The following FAM83A variants were observed in gnomAD, a reference collection of about 807,000 sequenced individuals.
FAM83A encodes protein FAM83A.
A neutral mutation model predicts 24.4 loss-of-function variants in FAM83A; 21 were observed. The observed-to-expected ratio is 0.86, with a 90% CI of 0.61 to 1.24. The LOEUF (loss-of-function observed/expected upper bound fraction) is 1.24. FAM83A is among the 50% of genes most tolerant of loss of function. The pLI, the probability that FAM83A is intolerant of heterozygous loss-of-function variation, is 0.00. For missense variants in FAM83A, 617 were observed against 579.8 expected (o/e 1.06, Z -0.66); for synonymous variants, 270 against 252.4 (o/e 1.07, Z -0.66).
Position 123,209,483 on chromosome 8 carries a change from T to C in FAM83A, c.*1795T>C, listed in dbSNP as rs80309164. On this transcript the variant is annotated 3_prime_UTR_variant, in exon 4 of 4. Coordinates refer to ENST00000690554, the Ensembl canonical transcript of FAM83A. This position sits in a 1 kb window ranked among gnomAD's most constrained non-coding sequence, Gnocchi z 4.7. ...AAAAAACAAACAACACTTTGGTTCC[T>C]GATGGCTTTCTGAACCCAGCCCTGA... The C allele has an allele frequency of 0.017, 28,077 of 1,614,222 alleles. 284 individuals carry two copies. Among genetic ancestry groups the C allele is most frequent in the Non-Finnish European group, 0.019 (22,966 of 1,180,032 alleles).
Position 123,209,233 on chromosome 8 carries a change from G to C in FAM83A, c.*1545G>C. ...CGCTGTGGAGGGACGAGAGCACAGAGCTCTTCCTCCTGGTGGCCTCTGACC... is the reference window on the plus strand; with the variant it reads ...CGCTGTGGAGGGACGAGAGCACAGACCTCTTCCTCCTGGTGGCCTCTGACC... On this transcript the variant is annotated 3_prime_UTR_variant, in exon 4 of 4. Coordinates refer to ENST00000690554, the Ensembl canonical transcript of FAM83A. The surrounding 1 kb of genome is among the most constrained non-coding windows in gnomAD (Gnocchi z 4.7). 8.0e-7 allele frequency: 1 copy of C among 1,242,908 alleles called. No individual in the cohort carries two copies. The allele number at this position is 1,242,908 out of a possible 1,614,324, so 77.0% of individuals were successfully genotyped here. A position where few individuals can be genotyped will look rare whatever the true frequency, so the allele number is the denominator to read the frequency against.
At chr8:123,180,344 G>A (rs1367566395), upstream of FAM83A, 1 of 152,128 alleles carries the variant, frequency 6.6e-6, no homozygotes, top group African/African-American at 2.4e-5. Flanking sequence ...TCTTCCAGAG[G>A]AAGATAACAA....
At chr8:123,208,612 A>G in exon 4 of FAM83A, 5 of 985,552 alleles carry the variant, frequency 5.1e-6, no homozygotes, top group South Asian at 4.7e-5. Context: ...TTTCTTCTCA[A>G]TTCACAGTGC....
At chr8:123,190,622 G>A (rs1202589121) in intron 1 of FAM83A, among the ~76,000 whole-genome samples, 2 of 152,040 alleles carry the variant, frequency 1.3e-5, no homozygotes, top group African/African-American at 4.8e-5. Context: ...TCACAATTAA[G>A]GTATTAGAAA....
Position 123,209,418 on chromosome 8 carries a change from C to G in FAM83A, c.*1730C>G. On this transcript the variant is annotated 3_prime_UTR_variant, in exon 4 of 4. Coordinates refer to ENST00000690554, the Ensembl canonical transcript of FAM83A. The surrounding 1 kb of genome is among the most constrained non-coding windows in gnomAD (Gnocchi z 4.7). ...TGTATTCCTGTCCTTCACTTTTTTCCTCCTTAGTTCCTGAAAGTAAACAAA... is the reference window on the plus strand; with the variant it reads ...TGTATTCCTGTCCTTCACTTTTTTCGTCCTTAGTTCCTGAAAGTAAACAAA... 1 of 1,609,524 alleles carries G rather than the reference C, an allele frequency of 6.2e-7. No individual in the cohort carries two copies. Among genetic ancestry groups the G allele is most frequent in the South Asian group, 1.1e-5 (1 of 90,420 alleles).
chr8:123,200,223 A>T (rs1320605438), intron 3 of FAM83A, among the ~76,000 whole-genome samples: 1 of 152,176 alleles, frequency 6.6e-6, no homozygotes, highest in Non-Finnish European at 1.5e-5. Flanking sequence ...CCAACCCATT[A>T]CAGTAGGGAG....
Position 123,209,928 on chromosome 8 carries a change from G to GTCCA in FAM83A, c.*2241_*2244dup. The GTCCA allele has an allele frequency of 4.7e-6, 1 of 213,296 alleles. No individual in the cohort carries two copies. The highest frequency in any genetic ancestry group is 9.6e-6 in the Non-Finnish European group (1 of 104,482). The allele number at this position is 213,296 out of a possible 1,614,324, so 13.2% of individuals were successfully genotyped here. A position where few individuals can be genotyped will look rare whatever the true frequency, so the allele number is the denominator to read the frequency against. ...CTGGGCAGAAGCTTTGAGAGCCTGG[G>GTCCA]TCCAGGTTGCCACATAGAAGCAGCT... is the stretch of plus-strand genomic sequence containing the variant. On this transcript the variant is annotated 3_prime_UTR_variant, in exon 4 of 4. Transcript: ENST00000690554. The surrounding 1 kb of genome is among the most constrained non-coding windows in gnomAD (Gnocchi z 4.7).
chr8:123,201,310 G>T (rs1824351284), intron 3 of FAM83A: 1 of 152,248 alleles, frequency 6.6e-6, no homozygotes, highest in African/African-American at 2.4e-5. Context: ...CTTGACTAGG[G>T]TCACCAGCTC....
At chr8:123,195,349 G>A (rs1328389561) in intron 3 of FAM83A, among the ~76,000 whole-genome samples, 2 of 152,190 alleles carry the variant, frequency 1.3e-5, no homozygotes, top group African/African-American at 2.4e-5. Flanking sequence ...GCTAGGTGAA[G>A]CCAACTGGCA....
At chr8:123,205,509 C>T (rs1824519390) in intron 3 of FAM83A, among the ~76,000 whole-genome samples, 1 of 152,212 alleles carries the variant, frequency 6.6e-6, no homozygotes, top group Non-Finnish European at 1.5e-5. Context: ...CAGGATTATC[C>T]GAGCCTTGTG....
At position 123,209,680 on chromosome 8, in the gene FAM83A, G is replaced by A. The variant is rs1001248172; in HGVS notation, c.*1992G>A. The A allele has an allele frequency of 2.8e-5, 29 of 1,020,400 alleles. No homozygotes were observed. The highest frequency in any genetic ancestry group is 8.3e-5 in the Admixed American group (4 of 48,158). 63.2% of individuals were successfully genotyped at this position (1,020,400 alleles called of 1,614,324 possible). A position where few individuals can be genotyped will look rare whatever the true frequency, so the allele number is the denominator to read the frequency against. On this transcript the variant is annotated 3_prime_UTR_variant, in exon 4 of 4. Transcript: ENST00000690554. The surrounding 1 kb of genome is among the most constrained non-coding windows in gnomAD (Gnocchi z 4.7). ...AAAGGCCTCAGCCTGTGCCTGTGTCGAGCTCAGTCCTGGGAGATAGGGGAG... is the reference window on the plus strand; with the variant it reads ...AAAGGCCTCAGCCTGTGCCTGTGTCAAGCTCAGTCCTGGGAGATAGGGGAG...
At position 123,183,003 on chromosome 8, in the gene FAM83A, CT is replaced by C; in HGVS notation, c.148del (p.Tyr50ThrfsTer80). 1 of 1,611,958 alleles carries C rather than the reference CT, an allele frequency of 6.2e-7. No individual in the cohort carries two copies. The highest frequency in any genetic ancestry group is 1.7e-5 in the Admixed American group (1 of 59,906). On this transcript the variant is annotated frameshift_variant, in exon 1 of 4. Coordinates refer to ENST00000690554, the Ensembl canonical transcript of FAM83A. LOFTEE classifies it high-confidence loss of function. Reference sequence around the variant, plus strand: ...CCCTCTTGGATGGGGGTTCTGAAGCCTACTGGCGGGTGCTCAGCCAGGAAGG... The same window carrying C: ...CCCTCTTGGATGGGGGTTCTGAAGCCACTGGCGGGTGCTCAGCCAGGAAGG...
At chr8:123,184,303 G>A (rs560405224) in intron 1 of FAM83A, among the ~76,000 whole-genome samples, 102 of 152,024 alleles carry the variant, frequency 6.7e-4, no homozygotes, top group African/African-American at 2.3e-3. Flanking sequence ...CCACCTCTGC[G>A]CTTCCAAATG....
At chr8:123,181,427 C>T (rs1334140524), upstream of FAM83A, among the ~76,000 whole-genome samples, 7 of 152,086 alleles carry the variant, frequency 4.6e-5, no homozygotes, top group Admixed American at 1.3e-4. Context: ...TTCTTGGTGT[C>T]GTCCCTGAGC....
At chr8:123,183,477 G>C (rs930887311) in intron 1 of FAM83A, 141 bp downstream of exon 1, 34 of 1,317,638 alleles carry the variant, frequency 2.6e-5, no homozygotes, top group Non-Finnish European at 3.2e-5. Flanking sequence ...TTTGCTGTCC[G>C]CCTTGCCCTG....
exon 4 of FAM83A, chr8:123,207,405 G>A (rs1387505211): frequency 6.2e-7 from 1 of 1,610,874 alleles, no homozygotes; most frequent in Admixed American, 1.7e-5. Context: ...CGCTCGGCAG[G>A]CAGCCACCCC....
intron 1 of FAM83A, among the ~76,000 whole-genome samples, chr8:123,185,259 C>T (rs1476333073): frequency 6.6e-6 from 1 of 152,228 alleles, no homozygotes; most frequent in Non-Finnish European, 1.5e-5. Context: ...AGGCCTGTTC[C>T]TGAGTGTGCC....
chr8:123,184,070 TG>T (rs1237959715), intron 1 of FAM83A, among the ~76,000 whole-genome samples: 2 of 152,174 alleles, frequency 1.3e-5, no homozygotes, highest in African/African-American at 4.8e-5. Context: ...TTGCCCATAA[TG>T]GGAAGAACAA....
intron 1 of FAM83A, among the ~76,000 whole-genome samples, chr8:123,184,931 G>A (rs538944820): frequency 1.3e-5 from 2 of 152,284 alleles, no homozygotes; most frequent in African/African-American, 4.8e-5. Flanking sequence ...GTTCAATACC[G>A]TGTGAAATCT....
Sources: gnomAD v4.1 joint callset for allele counts (sites outside exome capture counted in the v4.1 genomes callset) on GRCh38, gnomAD v4.1.1 for gene constraint, Gnocchi (gnomAD v3.1) non-coding constraint, MANE v1.5 for transcripts, NCBI Gene and HGNC (gene_info 2026-07-23, HGNC 2026-07-21) for gene names.